PLEKHA7: variants seen among roughly 807,000 people sequenced by gnomAD.
PLEKHA7 encodes the protein pleckstrin homology domain containing A7, also known as pleckstrin homology domain-containing family A member 7.
Under a neutral mutation model 170.0 loss-of-function variants are expected in PLEKHA7, and 104 were observed. The ratio of observed to expected loss-of-function variants is 0.61; its 90% CI spans 0.52 to 0.72. The LOEUF (loss-of-function observed/expected upper bound fraction) is 0.72. Ranked by LOEUF, PLEKHA7 falls within the 30% of genes least tolerant of loss-of-function variation. The probability of loss-of-function intolerance (pLI) is 0.00; values close to 1 mark genes in which losing one functional copy is unlikely to be tolerated. For synonymous variants in PLEKHA7, 648 were observed against 660.8 expected (o/e 0.98, Z 0.30); for missense variants, 1,615 against 1,671.7 (o/e 0.97, Z 0.59).
rs143526927 is a variant in PLEKHA7, at chr11:16,811,947, C to T, written c.2007+1166G>A. On this transcript the variant is annotated intron_variant, in intron 13 of 26. Transcript: ENST00000531066. Reference sequence around the variant, plus strand: ...AAGCTTCAAACACATGCCACCTCCTCCCAGAAGCCTCTCCAGTGTTGTAAC... The same window carrying T: ...AAGCTTCAAACACATGCCACCTCCTTCCAGAAGCCTCTCCAGTGTTGTAAC... 5.4e-4 allele frequency among the ~76,000 whole-genome samples: 82 copies of T among 152,292 alleles called. No individual in the cohort carries two copies. In the East Asian group the frequency reaches 0.011, roughly 21 times the overall value.
At position 16,786,355 on chromosome 11, in the gene PLEKHA7, C is replaced by A; in HGVS notation, c.3390G>T (p.Leu1130Phe). The change falls in exon 24 of 27, where the codon TTG becomes TTT. Residue 1130 changes from leucine to phenylalanine, a missense_variant. Transcript: ENST00000531066. ...TTTCCCCTTGCACGACCCGTTCCAGCAACTGCAGGTCAAAGTCCTGCTCAC... is the reference window on the plus strand; with the variant it reads ...TTTCCCCTTGCACGACCCGTTCCAGAAACTGCAGGTCAAAGTCCTGCTCAC... Reference protein sequence around the residue: ...WKREQDFDLQLLERVVQGEKK... With the variant: ...WKREQDFDLQFLERVVQGEKK... 1 of 1,536,176 alleles carries A rather than the reference C, an allele frequency of 6.5e-7. No homozygotes were observed.
Position 16,813,125 on chromosome 11 carries a change from G to A in PLEKHA7, c.1995C>T (p.Tyr665=). The A allele has an allele frequency of 6.2e-7, 1 of 1,613,516 alleles. No homozygotes were observed. ...TGATGTCACTTACCTTTAGATCCAG[G>A]TACTCCAGGTCTTTCTTCAGCTGGA... ...TYLQLKKDLE[Y]LDLKMTGRDL... Residue 665 remains tyrosine, a synonymous_variant, in exon 13 of 27, where the codon TAC becomes TAT. Coordinates refer to ENST00000531066, the MANE Select transcript of PLEKHA7 (RefSeq NM_001329630.2).
intron 3 of PLEKHA7, among the ~76,000 whole-genome samples, chr11:16,896,645 A>G (rs1418626050): frequency 6.6e-6 from 1 of 152,142 alleles, no homozygotes; most frequent in East Asian, 1.9e-4. Flanking sequence ...ACGATCCTCC[A>G]GACAGTTGCC....
At chr11:16,963,295 G>GCCA (rs1862178977) in intron 3 of PLEKHA7, among the ~76,000 whole-genome samples, 1 of 152,196 alleles carries the variant, frequency 6.6e-6, no homozygotes, top group African/African-American at 2.4e-5. Flanking sequence ...GGTTGAGGTA[G>GCCA]CTGCAGGCTC....
chr11:16,815,276 G>C (rs969190794), intron 12 of PLEKHA7: 1 of 152,728 alleles, frequency 6.5e-6, no homozygotes, highest in Non-Finnish European at 1.5e-5. Context: ...CGGGTGAGAA[G>C]CAACGAGAGC....
rs1027487700 is a variant in PLEKHA7 at position 16,841,441 on chromosome 11, C to T, written c.872+106G>A. ...GAAAGTTTATAAAGAGAGGGCAATGCTTAATACAAGTGAGTAAATGGAATC... is the reference window on the plus strand; with the variant it reads ...GAAAGTTTATAAAGAGAGGGCAATGTTTAATACAAGTGAGTAAATGGAATC... On this transcript the variant is annotated intron_variant, in intron 9 of 26. Coordinates refer to ENST00000531066, the MANE Select transcript of PLEKHA7 (RefSeq NM_001329630.2). 7.0e-6 allele frequency: 9 copies of T among 1,281,344 alleles called. 1 individual carries two copies. In the Admixed American group the frequency reaches 2.0e-4, roughly 29 times the overall value. 79.4% of individuals were successfully genotyped at this position (1,281,344 alleles called of 1,614,324 possible). A position where few individuals can be genotyped will look rare whatever the true frequency, so the allele number is the denominator to read the frequency against.
At chr11:16,792,414 CA>C (rs1199572970) in intron 19 of PLEKHA7, among the ~76,000 whole-genome samples, 1 of 151,480 alleles carries the variant, frequency 6.6e-6, no homozygotes, top group African/African-American at 2.4e-5. Flanking sequence ...CCACATGCAA[CA>C]ATGTATATAA....
chr11:16,793,093 A>G (rs1847969364), intron 19 of PLEKHA7, among the ~76,000 whole-genome samples: 1 of 152,190 alleles, frequency 6.6e-6, no homozygotes, highest in African/African-American at 2.4e-5. Context: ...GCTGAGGAGG[A>G]GCCTCTGTGA....
chr11:16,791,271 A>C lies in PLEKHA7; in HGVS notation c.2746-72T>G. The stretch of plus-strand genomic sequence containing the variant: ...AGGGAGGACTGCTAGGTACTGCCAC[A>C]GTGGAGGTTTAAAGGGTAGGAACAG... On this transcript the variant is annotated intron_variant, in intron 19 of 26. Coordinates refer to ENST00000531066, the MANE Select transcript of PLEKHA7 (RefSeq NM_001329630.2). This position sits in a 1 kb window ranked among gnomAD's most constrained non-coding sequence, Gnocchi z 4.5. 7.1e-7 allele frequency: 1 copy of C among 1,413,298 alleles called. No homozygotes were observed. Among genetic ancestry groups the C allele is most frequent in the Non-Finnish European group, 9.5e-7 (1 of 1,047,510 alleles). The allele number at this position is 1,413,298 out of a possible 1,614,324, so 87.5% of individuals were successfully genotyped here.
At chr11:16,880,533 C>T (rs969710691) in intron 3 of PLEKHA7, among the ~76,000 whole-genome samples, 1 of 152,210 alleles carries the variant, frequency 6.6e-6, no homozygotes, top group African/African-American at 2.4e-5. Flanking sequence ...CAGACTCCAG[C>T]ATGTTCAGCC....
intron 3 of PLEKHA7, among the ~76,000 whole-genome samples, chr11:16,894,546 T>G (rs903936483): frequency 2.0e-5 from 3 of 152,158 alleles, no homozygotes; most frequent in Non-Finnish European, 4.4e-5. Context: ...AAATAGTCAG[T>G]GGAAAGAGTG....
chr11:16,849,570 T>C (rs1852748405), intron 8 of PLEKHA7, among the ~76,000 whole-genome samples: 1 of 152,152 alleles, frequency 6.6e-6, no homozygotes, highest in Non-Finnish European at 1.5e-5. Context: ...GTGACCAAGA[T>C]AAGACATGGA....
intron 3 of PLEKHA7, among the ~76,000 whole-genome samples, chr11:16,985,335 T>C (rs1256221282): frequency 6.6e-6 from 1 of 152,270 alleles, no homozygotes; most frequent in Non-Finnish European, 1.5e-5. Flanking sequence ...AAATTCCAAG[T>C]ACACTTGCTT....
At chr11:16,786,413 G>A (rs1187760988) in intron 23 of PLEKHA7, 26 bp from the exon 24 acceptor site, 161 of 1,535,304 alleles carry the variant, frequency 1.0e-4, no homozygotes, top group Non-Finnish European at 1.3e-4. Context: ...GAGGTTAAAC[G>A]TAGTCGCTTC....
At chr11:16,885,434 G>T (rs560933227) in intron 3 of PLEKHA7, among the ~76,000 whole-genome samples, 2 of 152,076 alleles carry the variant, frequency 1.3e-5, no homozygotes, top group African/African-American at 2.4e-5. Flanking sequence ...TGAGGTGGGC[G>T]GATCACTTGA....
intron 25 of PLEKHA7, 101 bp downstream of exon 25, chr11:16,783,599 G>A (rs1244371664): frequency 1.6e-6 from 2 of 1,262,658 alleles, no homozygotes; most frequent in Middle Eastern, 2.6e-4. Context: ...CGAAGACCTG[G>A]CAAAACACGC....
In PLEKHA7 at chr11:16,950,762, TCCAAACATTTTC is replaced by T. The variant is rs148144816; in HGVS notation, c.221+63215_221+63226del. Among the ~76,000 whole-genome samples the T allele has an allele frequency of 9.5e-3, 1,446 of 152,320 alleles. 23 individuals carry two copies. Among genetic ancestry groups the T allele is most frequent in the African/African-American group, 0.031 (1,284 of 41,562 alleles). On this transcript the variant is annotated intron_variant, in intron 3 of 26. Transcript: ENST00000531066. ...GGCTGCCCTGCATGGAACAGCTTTT[TCCAAACATTTTC>T]CCAAACATTTTCCCCTCATTCAGAT... is the stretch of plus-strand genomic sequence containing the variant.
At chr11:16,869,173 GAGACA>G (rs1396264698) in intron 4 of PLEKHA7, among the ~76,000 whole-genome samples, 1 of 152,104 alleles carries the variant, frequency 6.6e-6, no homozygotes, top group East Asian at 1.9e-4. Context: ...ATCAATCTAG[GAGACA>G]AGACAATCTT....
At chr11:16,785,567 G>A (rs545236378) in intron 24 of PLEKHA7, among the ~76,000 whole-genome samples, 8 of 152,312 alleles carry the variant, frequency 5.3e-5, no homozygotes, top group East Asian at 3.9e-4. Context: ...GACAATCTAC[G>A]TCTTGAAGAC....
Sources: allele counts gnomAD v4.1 joint callset (sites outside exome capture counted in the v4.1 genomes callset), GRCh38; gene constraint gnomAD v4.1.1; non-coding constraint Gnocchi (gnomAD v3.1); transcripts MANE v1.5; gene names NCBI Gene and HGNC (gene_info 2026-07-23, HGNC 2026-07-21).